The following UGT2B11 variants were observed in gnomAD, a reference collection of about 807,000 sequenced individuals.
UGT2B11 encodes the protein UDP glucuronosyltransferase family 2 member B11.
Under a neutral mutation model 51.7 loss-of-function variants are expected in UGT2B11, and 49 were observed. The ratio of observed to expected loss-of-function variants is 0.95; its 90% CI spans 0.75 to 1.20. UGT2B11 has a LOEUF of 1.20. UGT2B11 is among the 50% of genes most tolerant of loss of function. UGT2B11 has a pLI of 0.00. For missense variants in UGT2B11, 810 were observed against 622.1 expected (o/e 1.30, Z -3.21); for synonymous variants, 273 against 209.0 (o/e 1.31, Z -2.64).
intron 4 of UGT2B11, among the ~76,000 whole-genome samples, 174 bp downstream of exon 4, chr4:69,205,306 T>G (rs899696339): frequency 2.6e-5 from 4 of 151,744 alleles, no homozygotes; most frequent in East Asian, 1.9e-4. Flanking sequence ...AAGAATGTGA[T>G]TATATATCAT....
At chr4:69,219,051 G>C (rs556716541), upstream of UGT2B11, among the ~76,000 whole-genome samples, 2 of 152,126 alleles carry the variant, frequency 1.3e-5, no homozygotes, top group South Asian at 2.1e-4. Flanking sequence ...ACCCCATTCA[G>C]CGTCCTCAGC....
intron 1 of UGT2B11, 145 bp downstream of exon 1, chr4:69,213,857 G>A: frequency 8.4e-7 from 1 of 1,194,860 alleles, no homozygotes; most frequent in Admixed American, 3.3e-5. Context: ...TAATGTTTGT[G>A]AGATTGATAG....
At chr4:69,216,083 C>G (rs1722265281), upstream of UGT2B11, 1 of 151,988 alleles carries the variant, frequency 6.6e-6, no homozygotes, top group Non-Finnish European at 1.5e-5. Context: ...CCACAGAGTT[C>G]TTGGTACATA....
chr4:69,221,327 A>G, the UGT2B11 span, among the ~76,000 whole-genome samples: 1 of 152,162 alleles, frequency 6.6e-6, no homozygotes, highest in South Asian at 2.1e-4. Context: ...GAGCTTTTAA[A>G]TTTCTAACAA....
At chr4:69,220,060 C>T in the UGT2B11 span, among the ~76,000 whole-genome samples, 1 of 152,166 alleles carries the variant, frequency 6.6e-6, no homozygotes, top group Non-Finnish European at 1.5e-5. Flanking sequence ...AATGAAGAAA[C>T]AGGCATTGGA....
upstream of UGT2B11, chr4:69,216,341 GAAACTT>G (rs1722274252): frequency 6.6e-6 from 1 of 151,982 alleles, no homozygotes; most frequent in Admixed American, 6.6e-5. Context: ...GTACTCTTTG[GAAACTT>G]ATATGTCCAC....
At chr4:69,204,334 GA>G in intron 5 of UGT2B11, 95 bp downstream of exon 5, 1 of 1,522,524 alleles carries the variant, frequency 6.6e-7, no homozygotes, top group South Asian at 1.3e-5. Context: ...ATTCTTTCAA[GA>G]TTACTCTCTT....
In UGT2B11 at chr4:69,208,495, A is replaced by T; in HGVS notation, c.871-13T>A. The T allele has an allele frequency of 6.2e-7, 1 of 1,607,170 alleles. No homozygotes were observed. The highest frequency in any genetic ancestry group is 8.5e-7 in the Non-Finnish European group (1 of 1,177,248). ...ACTCCTCCATTTCCTGTGAAAAAAA[A>T]ATTGTTTCATCACAAAAGAGTATCA... On this transcript the variant is annotated splice_polypyrimidine_tract_variant and intron_variant, in intron 2 of 5. Coordinates refer to ENST00000446444, the MANE Select transcript of UGT2B11 (RefSeq NM_001073.3).
chr4:69,223,508 T>G, the UGT2B11 span, among the ~76,000 whole-genome samples: 1 of 152,204 alleles, frequency 6.6e-6, no homozygotes, highest in Non-Finnish European at 1.5e-5. Flanking sequence ...GCACAAGGAC[T>G]GTTGGATTTA....
chr4:69,221,299 A>G, the UGT2B11 span, among the ~76,000 whole-genome samples: 1 of 152,218 alleles, frequency 6.6e-6, no homozygotes, highest in Non-Finnish European at 1.5e-5. Flanking sequence ...GGACTGGTAC[A>G]TATTTTTACT....
At chr4:69,201,073 A>C (rs1721641592) in intron 5 of UGT2B11, 2 of 166,160 alleles carry the variant, frequency 1.2e-5, no homozygotes, top group Non-Finnish European at 2.6e-5. Flanking sequence ...TTTTGATACA[A>C]TGTGAAATAA....
At chr4:69,223,222 G>C in the UGT2B11 span, among the ~76,000 whole-genome samples, 3 of 152,130 alleles carry the variant, frequency 2.0e-5, no homozygotes, top group African/African-American at 7.2e-5. Context: ...CTTTTTTAAG[G>C]TTTCAGGGTT....
intron 3 of UGT2B11, among the ~76,000 whole-genome samples, chr4:69,206,444 AT>A (rs1383466284): frequency 6.6e-6 from 1 of 151,628 alleles, no homozygotes; most frequent in African/African-American, 2.4e-5. Flanking sequence ...GGACACATAG[AT>A]GGCAACAACA....
upstream of UGT2B11, among the ~76,000 whole-genome samples, chr4:69,219,104 C>T (rs62300461): frequency 1.3e-5 from 2 of 151,592 alleles, no homozygotes; most frequent in Non-Finnish European, 2.9e-5. Flanking sequence ...TTCCTCCATC[C>T]ACACTCAGTA....
intron 1 of UGT2B11, among the ~76,000 whole-genome samples, 161 bp downstream of exon 1, chr4:69,213,841 T>G (rs1280195115): frequency 6.6e-6 from 1 of 151,836 alleles, no homozygotes; most frequent in Non-Finnish European, 1.5e-5. Flanking sequence ...AATTTAAGCT[T>G]TTCTATAATG....
Position 69,214,047 on chromosome 4 carries a change from T to G in UGT2B11, c.676A>C (p.Met226Leu). ...YVLYFDFWFQ[M>L]SDMKKWDQFY... Reference sequence around the variant, plus strand: ...TGATCCCACTTCTTCATATCAGACATTTGGAACCAAAAGTCAAAATAAAGC... The same window carrying G: ...TGATCCCACTTCTTCATATCAGACAGTTGGAACCAAAAGTCAAAATAAAGC... The change falls in exon 1 of 6, where the codon ATG becomes CTG. Residue 226 changes from methionine (M) to leucine (L), a missense_variant. Transcript: ENST00000446444. The G allele has an allele frequency of 6.2e-7, 1 of 1,603,270 alleles. No individual in the cohort carries two copies. Among genetic ancestry groups the G allele is most frequent in the Non-Finnish European group, 8.5e-7 (1 of 1,175,406 alleles).
chr4:69,223,781 T>G, the UGT2B11 span, among the ~76,000 whole-genome samples: 1 of 152,144 alleles, frequency 6.6e-6, no homozygotes, highest in South Asian at 2.1e-4. Flanking sequence ...TAAGCCCCTC[T>G]CTTACGGTGG....
At chr4:69,203,005 C>G (rs186001055) in intron 5 of UGT2B11, among the ~76,000 whole-genome samples, 1 of 151,558 alleles carries the variant, frequency 6.6e-6, no homozygotes, top group East Asian at 2.0e-4. Flanking sequence ...GGGGAGTGAA[C>G]AAAATCAATT....
At position 69,212,856 on chromosome 4, in the gene UGT2B11, T is replaced by C. The variant is rs182731376; in HGVS notation, c.722-135A>G. On this transcript the variant is annotated intron_variant, in intron 1 of 5. Transcript: ENST00000446444. ...GCTTTGAAAAATATATAAATATATA[T>C]GAATAATATATTATTATGTATTATA... is the stretch of plus-strand genomic sequence containing the variant. The C allele has an allele frequency of 4.9e-3, 3,601 of 730,072 alleles. 16 individuals are homozygous for C. The highest frequency in any genetic ancestry group is 0.019 in the Middle Eastern group (36 of 1,900). 45.2% of individuals were successfully genotyped at this position (730,072 alleles called of 1,614,324 possible).
Sources: allele counts gnomAD v4.1 joint callset (sites outside exome capture counted in the v4.1 genomes callset), GRCh38; gene constraint gnomAD v4.1.1; transcripts MANE v1.5; gene names NCBI Gene and HGNC (gene_info 2026-07-23, HGNC 2026-07-21).